The following WWOX variants were observed in gnomAD, a reference collection of about 807,000 sequenced individuals.
WWOX encodes WW domain containing oxidoreductase, also known as WW domain-containing oxidoreductase.
Under a neutral mutation model 46.2 loss-of-function variants are expected in WWOX, and 69 were observed. The ratio of observed to expected loss-of-function variants is 1.49; its 90% CI spans 1.23 to 1.82. The LOEUF (loss-of-function observed/expected upper bound fraction) is 1.82. Ranked by LOEUF, WWOX falls within the 40% of genes most tolerant of loss-of-function variation. The probability of loss-of-function intolerance (pLI) is 0.00; values close to 1 mark genes in which losing one functional copy is unlikely to be tolerated. For missense variants in WWOX, 919 were observed against 542.6 expected, an observed-to-expected ratio of 1.69 and a Z score of -6.89; for synonymous variants, 359 against 202.6, an observed-to-expected ratio of 1.77 and a Z score of -6.56.
At chr16:78,143,487 C>T (rs531738371) in intron 4 of WWOX, among the ~76,000 whole-genome samples, 5 of 152,146 alleles carry the variant, frequency 3.3e-5, no homozygotes, top group Admixed American at 1.3e-4. Context: ...TATTGGAACA[C>T]GGGTGCTCAT....
chr16:78,156,796 C>T (rs182131249), intron 4 of WWOX, among the ~76,000 whole-genome samples: 4 of 152,216 alleles, frequency 2.6e-5, no homozygotes, highest in East Asian at 1.9e-4. Context: ...TGGTGGCACG[C>T]GCCTGTAATC....
At position 78,455,109 on chromosome 16, in the gene WWOX, A is replaced by G. The variant is rs118127998; in HGVS notation, c.1056+22357A>G. On this transcript the variant is annotated intron_variant, in intron 8 of 8. Transcript: ENST00000566780. ...GGGAGGTGAGATGAGCAGCACTGGG[A>G]TGTGTGGCTTTTCTGTCTTGAGGAT... is the stretch of plus-strand genomic sequence containing the variant. Among the ~76,000 whole-genome samples the G allele has an allele frequency of 1.1e-4, 16 of 152,310 alleles. No individual in the cohort carries two copies. In the East Asian group the frequency reaches 2.9e-3, roughly 28 times the overall value.
intron 8 of WWOX, among the ~76,000 whole-genome samples, chr16:78,856,383 C>T (rs1023350327): frequency 1.4e-4 from 21 of 152,182 alleles, no homozygotes; most frequent in African/African-American, 4.8e-4. Context: ...TGGCTCACGC[C>T]TGTAATCGCA....
intron 8 of WWOX, among the ~76,000 whole-genome samples, chr16:78,946,689 A>G (rs1168809684): frequency 6.6e-6 from 1 of 152,216 alleles, no homozygotes; most frequent in Non-Finnish European, 1.5e-5. Context: ...GCAGGCCTGG[A>G]AAACTGTGTG....
At chr16:78,978,433 C>T (rs1193527822) in intron 8 of WWOX, among the ~76,000 whole-genome samples, 2 of 152,210 alleles carry the variant, frequency 1.3e-5, no homozygotes, top group South Asian at 2.1e-4. Flanking sequence ...ACAGTGGCTG[C>T]ACCATGTTGC....
chr16:78,851,454 G>A (rs567677133), intron 8 of WWOX, among the ~76,000 whole-genome samples: 51 of 152,316 alleles, frequency 3.3e-4, no homozygotes, highest in African/African-American at 1.0e-3. Context: ...AATGATTAAA[G>A]CAAAGGTCAT....
chr16:78,490,852 C>G (rs1302033759), intron 8 of WWOX, among the ~76,000 whole-genome samples: 1 of 152,170 alleles, frequency 6.6e-6, no homozygotes, highest in African/African-American at 2.4e-5. Context: ...GAAGCTCACC[C>G]ATCACCATTT....
rs2044910966 is a variant in WWOX, at chr16:78,577,364, G to A, written c.1056+144612G>A. ...GATTTTTAGCTTTCTTCAGAACAGA[G>A]CTTTTAAAACTGAGCATTTGTCCCC... On this transcript the variant is annotated intron_variant, in intron 8 of 8. Coordinates refer to ENST00000566780, the MANE Select transcript of WWOX (RefSeq NM_016373.4). 1.3e-5 allele frequency among the ~76,000 whole-genome samples: 2 copies of A among 152,188 alleles called. 1 individual carries two copies. The highest frequency in any genetic ancestry group is 1.3e-4 in the Admixed American group (2 of 15,278).
intron 8 of WWOX, among the ~76,000 whole-genome samples, chr16:79,097,347 AC>A (rs1457536980): frequency 2.2e-5 from 3 of 137,872 alleles, no homozygotes; most frequent in African/African-American, 5.9e-5. Flanking sequence ...TGGCTCCAAA[AC>A]TTTTTTTTTT....
intron 5 of WWOX, among the ~76,000 whole-genome samples, chr16:78,182,181 T>C (rs1320996378): frequency 6.6e-6 from 1 of 152,222 alleles, no homozygotes; most frequent in Non-Finnish European, 1.5e-5. Flanking sequence ...TTGGGGATGA[T>C]GACAGTATTT....
At chr16:78,812,881 C>G (rs964224996) in intron 8 of WWOX, among the ~76,000 whole-genome samples, 6 of 152,180 alleles carry the variant, frequency 3.9e-5, no homozygotes, top group African/African-American at 1.4e-4. Context: ...CATTTCACAT[C>G]TTCTTAAACA....
intron 8 of WWOX, among the ~76,000 whole-genome samples, chr16:78,754,032 A>C (rs2049569944): frequency 1.3e-5 from 2 of 151,450 alleles, no homozygotes; most frequent in South Asian, 4.2e-4. Context: ...ATTAATGTGA[A>C]CTCTTGTAAT....
chr16:78,662,986 G>A (rs79806590), intron 8 of WWOX, among the ~76,000 whole-genome samples: 6,720 of 152,140 alleles, frequency 0.044, 512 homozygotes, highest in African/African-American at 0.15. Flanking sequence ...ACATCCTATC[G>A]CTTTGGTTTT....
chr16:79,043,169 G>A (rs1597317898), intron 8 of WWOX, among the ~76,000 whole-genome samples: 1 of 151,988 alleles, frequency 6.6e-6, no homozygotes, highest in African/African-American at 2.4e-5. Flanking sequence ...GAGAGATGTA[G>A]CTTTGAATGG....
At chr16:78,889,060 G>A (rs559661508) in intron 8 of WWOX, among the ~76,000 whole-genome samples, 1 of 152,018 alleles carries the variant, frequency 6.6e-6, no homozygotes, top group African/African-American at 2.4e-5. Context: ...CCTTTTACAA[G>A]AAGATGTCTC....
At chr16:78,434,321 T>G (rs28609420) in intron 8 of WWOX, among the ~76,000 whole-genome samples, 14,448 of 152,168 alleles carry the variant, frequency 0.095, 895 homozygotes, top group East Asian at 0.23. Context: ...GAAACTTACC[T>G]GTAGGTGGAT....
intron 8 of WWOX, among the ~76,000 whole-genome samples, chr16:78,727,334 G>C (rs1207971401): frequency 2.0e-5 from 3 of 152,164 alleles, no homozygotes; most frequent in Non-Finnish European, 4.4e-5. Context: ...GGAAGGCGGA[G>C]GTTTCAGTGA....
intron 8 of WWOX, among the ~76,000 whole-genome samples, chr16:78,945,250 G>A (rs7205856): frequency 0.024 from 3,640 of 152,216 alleles, 154 homozygotes; most frequent in African/African-American, 0.08. Context: ...CCAAATAACA[G>A]TGGCACCAGT....
intron 8 of WWOX, among the ~76,000 whole-genome samples, chr16:78,661,362 C>G (rs1158605223): frequency 1.3e-5 from 2 of 152,122 alleles, no homozygotes; most frequent in Non-Finnish European, 1.5e-5. Flanking sequence ...TCTGAAGCGA[C>G]CACTTCATAA....
Sources: gnomAD v4.1 joint callset for allele counts (sites outside exome capture counted in the v4.1 genomes callset) on GRCh38, gnomAD v4.1.1 for gene constraint, MANE v1.5 for transcripts, NCBI Gene and HGNC (gene_info 2026-07-23, HGNC 2026-07-21) for gene names.